ZCWPW2: variants seen among roughly 807,000 people sequenced by gnomAD.
The protein encoded by ZCWPW2 is zinc finger CW-type and PWWP domain containing 2, also known as zinc finger CW-type PWWP domain protein 2.
Under a neutral mutation model 46.6 loss-of-function variants are expected in ZCWPW2, and 45 were observed. The observed-to-expected ratio is 0.96, with a 90% CI of 0.76 to 1.24. ZCWPW2 has a LOEUF of 1.24. Among genes scored for constraint, ZCWPW2 ranks in the 50% most tolerant of loss-of-function variants. The pLI is 0.00. For synonymous variants in ZCWPW2, 152 were observed against 137.1 expected (o/e 1.11, Z -0.76); for missense variants, 429 against 403.9 (o/e 1.06, Z -0.53).
chr3:28,441,496 G>A (rs1041706411), intron 4 of ZCWPW2, among the ~76,000 whole-genome samples: 1 of 152,188 alleles, frequency 6.6e-6, no homozygotes, highest in African/African-American at 2.4e-5. Context: ...GAAAGAGGCT[G>A]TAGTGCTGCA....
intron 4 of ZCWPW2, among the ~76,000 whole-genome samples, chr3:28,455,198 C>T (rs993085802): frequency 5.9e-5 from 9 of 152,112 alleles, no homozygotes; most frequent in Non-Finnish European, 8.8e-5. Context: ...GAGATGGTCC[C>T]TCATTGTGGT....
At position 28,473,473 on chromosome 3, in the gene ZCWPW2, G is replaced by A. The variant is rs187031696; in HGVS notation, c.493-5341G>A. On this transcript the variant is annotated intron_variant, in intron 4 of 9. Coordinates refer to ENST00000383768, the MANE Select transcript of ZCWPW2 (RefSeq NM_001040432.4). The stretch of plus-strand genomic sequence containing the variant: ...TTGGGTGACAGAGTAACACTTTGTC[G>A]CAAAAAAAAAACAAAAAAATAGAGC... 4.1e-3 allele frequency among the ~76,000 whole-genome samples: 612 copies of A among 148,236 alleles called. 3 individuals are homozygous for A. The highest frequency in any genetic ancestry group is 0.015 in the African/African-American group (575 of 39,650).
intron 4 of ZCWPW2, among the ~76,000 whole-genome samples, chr3:28,443,365 C>T (rs556670268): frequency 9.2e-5 from 14 of 152,272 alleles, no homozygotes; most frequent in Admixed American, 5.2e-4. Context: ...GTGACCCGGC[C>T]TCCCCTTCAT....
chr3:28,358,040 C>G (rs1442529998), intron 1 of ZCWPW2, among the ~76,000 whole-genome samples: 4 of 151,776 alleles, frequency 2.6e-5, no homozygotes. Flanking sequence ...TCTTGGTAGT[C>G]ATTCTATATC....
At chr3:28,409,060 T>G (rs1313694427) in intron 2 of ZCWPW2, among the ~76,000 whole-genome samples, 1 of 152,016 alleles carries the variant, frequency 6.6e-6, no homozygotes. Flanking sequence ...GTCTTCCATC[T>G]TATTCATTCA....
At chr3:28,442,938 A>G (rs1275897576) in intron 4 of ZCWPW2, among the ~76,000 whole-genome samples, 1 of 152,150 alleles carries the variant, frequency 6.6e-6, no homozygotes, top group Non-Finnish European at 1.5e-5. Context: ...GGCAGCTCTA[A>G]TGGCTTCTAT....
chr3:28,484,034 A>G (rs1162425022), intron 5 of ZCWPW2, among the ~76,000 whole-genome samples: 2 of 152,136 alleles, frequency 1.3e-5, no homozygotes, highest in African/African-American at 2.4e-5. Flanking sequence ...GTGGTGAGGG[A>G]GAAAACCCTT....
rs553065011 is a variant in ZCWPW2 at position 28,373,307 on chromosome 3, T to TA, written c.-133-17190dup. ...GAGGGTTCCCCTTTCTCCACATCCT[T>TA]ACCAGCATTTGTTATTTTTTGTCCT... is the stretch of plus-strand genomic sequence containing the variant. On this transcript the variant is annotated intron_variant, in intron 1 of 9. Coordinates refer to ENST00000383768, the MANE Select transcript of ZCWPW2 (RefSeq NM_001040432.4). Among the ~76,000 whole-genome samples, 16 of 152,330 alleles carry TA rather than the reference T, an allele frequency of 1.1e-4. No homozygotes were observed. In the South Asian group the frequency reaches 3.1e-3, roughly 30 times the overall value.
chr3:28,393,020 G>T (rs1396899687), intron 2 of ZCWPW2, among the ~76,000 whole-genome samples: 1 of 151,808 alleles, frequency 6.6e-6, no homozygotes, highest in Non-Finnish European at 1.5e-5. Context: ...ACTAAAACTG[G>T]TTTTTTGAAA....
At chr3:28,414,176 T>C (rs938295627) in intron 3 of ZCWPW2, among the ~76,000 whole-genome samples, 8 of 151,984 alleles carry the variant, frequency 5.3e-5, no homozygotes, top group Non-Finnish European at 7.4e-5. Flanking sequence ...TATTACCTTT[T>C]CTTGAACTGT....
At chr3:28,521,148 A>G in intron 9 of ZCWPW2, 32 bp downstream of exon 9, 1 of 1,569,324 alleles carries the variant, frequency 6.4e-7, no homozygotes, top group Non-Finnish European at 8.6e-7. Flanking sequence ...AGACCTAAAT[A>G]ACAACTTCAA....
intron 6 of ZCWPW2, among the ~76,000 whole-genome samples, chr3:28,509,934 G>A (rs1200270371): frequency 6.6e-6 from 1 of 152,100 alleles, no homozygotes; most frequent in African/African-American, 2.4e-5. Flanking sequence ...TCTTCTGAGA[G>A]TTGTAAGTTT....
intron 1 of ZCWPW2, among the ~76,000 whole-genome samples, chr3:28,366,127 C>A (rs1052808346): frequency 1.0e-3 from 156 of 149,544 alleles, no homozygotes; most frequent in African/African-American, 3.6e-3. Flanking sequence ...TAATTGAATA[C>A]CCTTTATTTC....
chr3:28,518,135 CAA>C (rs35463839), intron 8 of ZCWPW2, among the ~76,000 whole-genome samples: 2 of 76,000 alleles, frequency 2.6e-5, no homozygotes, highest in Non-Finnish European at 4.8e-5. Flanking sequence ...GACTCCGTCT[CAA>C]AAAAAAAAAA....
chr3:28,352,326 T>C (rs1431634278), intron 1 of ZCWPW2, among the ~76,000 whole-genome samples: 1 of 152,164 alleles, frequency 6.6e-6, no homozygotes, highest in Non-Finnish European at 1.5e-5. Flanking sequence ...GGGGGTTATA[T>C]AGTTAAGGAT....
intron 1 of ZCWPW2, chr3:28,351,743 A>G (rs932524009): frequency 1.3e-5 from 2 of 148,988 alleles, no homozygotes; most frequent in South Asian, 2.1e-4. Flanking sequence ...TCTTTGTTGT[A>G]TATTCTGAGG....
chr3:28,413,144 G>A lies in ZCWPW2; in HGVS notation c.76G>A (p.Val26Ile). 3 of 1,613,174 alleles carry A rather than the reference G, an allele frequency of 1.9e-6. No individual in the cohort carries two copies. The highest frequency in any genetic ancestry group is 1.7e-6 in the Non-Finnish European group (2 of 1,179,450). ...AMDSSVENMY[V>I]NKVWVQCENE... is the part of the protein sequence containing the mutation. ...GGATTCCTCAGTGGAAAACATGTATGTAAACAAAGTGTGGGTTCAATGTGA... is the reference window on the plus strand; with the variant it reads ...GGATTCCTCAGTGGAAAACATGTATATAAACAAAGTGTGGGTTCAATGTGA... The change falls in exon 3 of 10, where the codon GTA (valine) becomes ATA (isoleucine). Residue 26 changes from valine to isoleucine, a missense_variant. Val to Ile is a conservative substitution (Grantham distance 29, BLOSUM62 3). Transcript: ENST00000383768.
chr3:28,489,563 A>T (rs983233478), intron 5 of ZCWPW2, among the ~76,000 whole-genome samples: 1 of 152,046 alleles, frequency 6.6e-6, no homozygotes, highest in Admixed American at 6.6e-5. Context: ...GTCACCTAAA[A>T]AGATGATACA....
chr3:28,355,663 T>C (rs996238984), intron 1 of ZCWPW2, among the ~76,000 whole-genome samples: 3 of 152,188 alleles, frequency 2.0e-5, no homozygotes, highest in Non-Finnish European at 4.4e-5. Flanking sequence ...TGTAGACCAA[T>C]GGAACAGAAC....
Sources: gnomAD v4.1 joint callset for allele counts (sites outside exome capture counted in the v4.1 genomes callset) on GRCh38, gnomAD v4.1.1 for gene constraint, MANE v1.5 for transcripts, NCBI Gene and HGNC (gene_info 2026-07-23, HGNC 2026-07-21) for gene names.